The following SPIDR variants were observed in gnomAD, a reference collection of about 807,000 sequenced individuals.
SPIDR encodes the protein DNA repair-scaffolding protein.
Under a neutral mutation model 104.6 loss-of-function variants are expected in SPIDR, and 93 were observed. That is an observed-to-expected ratio of 0.89 (90% CI 0.75 to 1.06). The LOEUF (loss-of-function observed/expected upper bound fraction) is 1.06. SPIDR is among the 50% of genes least tolerant of loss of function. The pLI is 0.00. For synonymous variants in SPIDR, 431 were observed against 416.9 expected, an observed-to-expected ratio of 1.03 and a Z score of -0.41; for missense variants, 1,154 against 1,111.2, an observed-to-expected ratio of 1.04 and a Z score of -0.55.
intron 8 of SPIDR, among the ~76,000 whole-genome samples, chr8:47,545,101 TTCTTTCTTTCTTTCTTTC>T (rs1157648535): frequency 2.2e-5 from 3 of 139,420 alleles, no homozygotes; most frequent in African/African-American, 5.4e-5. Flanking sequence ...CTTTCTTTCT[TTCTTTCTTTCTTTCTTTC>T]TTTTTTTTTT....
At chr8:47,363,996 G>A (rs2056707857) in intron 5 of SPIDR, among the ~76,000 whole-genome samples, 1 of 152,142 alleles carries the variant, frequency 6.6e-6, no homozygotes, top group South Asian at 2.1e-4. Context: ...CTCATTTGAA[G>A]GTAGGATTCT....
chr8:47,608,746 A>G (rs1285204210), intron 10 of SPIDR, among the ~76,000 whole-genome samples: 2 of 151,984 alleles, frequency 1.3e-5, no homozygotes, highest in Non-Finnish European at 2.9e-5. Context: ...ATTTTTTGAG[A>G]TGGAGTCTCG....
At chr8:47,712,529 G>A in intron 14 of SPIDR, 133 bp from the exon 15 acceptor site, 1 of 1,069,598 alleles carries the variant, frequency 9.3e-7, no homozygotes, top group Non-Finnish European at 1.3e-6. Flanking sequence ...GATGTGCAAA[G>A]TCTAGTGTAT....
intron 10 of SPIDR, among the ~76,000 whole-genome samples, chr8:47,610,778 C>T (rs116107624): frequency 6.6e-6 from 1 of 152,368 alleles, no homozygotes; most frequent in African/African-American, 2.4e-5. Flanking sequence ...TTCTTCCTCA[C>T]TTGCTGCTCT....
At chr8:47,392,043 G>T (rs1335025226) in intron 5 of SPIDR, among the ~76,000 whole-genome samples, 1 of 148,740 alleles carries the variant, frequency 6.7e-6, no homozygotes, top group African/African-American at 2.5e-5. Flanking sequence ...CAAGAAAAAA[G>T]TTTTAACAGA....
At chr8:47,540,230 C>T (rs550649757) in intron 8 of SPIDR, among the ~76,000 whole-genome samples, 2 of 152,178 alleles carry the variant, frequency 1.3e-5, no homozygotes, top group African/African-American at 2.4e-5. Context: ...AAATTGTTCT[C>T]GCGGTTTCTC....
intron 5 of SPIDR, among the ~76,000 whole-genome samples, chr8:47,347,340 AT>A (rs1554618989): frequency 6.6e-6 from 1 of 152,218 alleles, no homozygotes; most frequent in South Asian, 2.1e-4. Flanking sequence ...GTTCTTTTAC[AT>A]TTGCTGCGGA....
chr8:47,595,313 T>C (rs1243437622), intron 8 of SPIDR, among the ~76,000 whole-genome samples: 2 of 152,252 alleles, frequency 1.3e-5, no homozygotes, highest in African/African-American at 2.4e-5. Flanking sequence ...TTTTGTCTGC[T>C]CTATTTCCTG....
At chr8:47,475,970 T>G (rs1554723578) in intron 8 of SPIDR, among the ~76,000 whole-genome samples, 1 of 152,254 alleles carries the variant, frequency 6.6e-6, no homozygotes, top group African/African-American at 2.4e-5. Flanking sequence ...ATAGATCATT[T>G]AAGAGGAAAT....
intron 16 of SPIDR, among the ~76,000 whole-genome samples, chr8:47,726,597 G>C (rs149457436): frequency 6.6e-6 from 1 of 152,178 alleles, no homozygotes; most frequent in Non-Finnish European, 1.5e-5. Flanking sequence ...CTGAGGCCCC[G>C]TGTGGCCCGC....
At chr8:47,454,521 A>G (rs781901653) in intron 8 of SPIDR, among the ~76,000 whole-genome samples, 17 of 152,070 alleles carry the variant, frequency 1.1e-4, no homozygotes, top group Non-Finnish European at 2.2e-4. Context: ...GGATTAGGAG[A>G]TATACCTAAT....
chr8:47,280,379 C>T (rs908943837), intron 2 of SPIDR, among the ~76,000 whole-genome samples: 17 of 147,426 alleles, frequency 1.2e-4, no homozygotes, highest in African/African-American at 3.6e-4. Context: ...AGGTATGTGC[C>T]GCCGTGCCTG....
intron 8 of SPIDR, among the ~76,000 whole-genome samples, chr8:47,590,407 A>G (rs969510736): frequency 6.6e-6 from 1 of 152,064 alleles, no homozygotes; most frequent in Non-Finnish European, 1.5e-5. Flanking sequence ...TTACATTTTC[A>G]TTGAGACTTC....
At chr8:47,602,278 A>G (rs997038639) in intron 10 of SPIDR, among the ~76,000 whole-genome samples, 3 of 152,226 alleles carry the variant, frequency 2.0e-5, no homozygotes, top group Non-Finnish European at 4.4e-5. Flanking sequence ...TCAGCACAAC[A>G]CACACAGAAG....
At chr8:47,668,166 A>C (rs1028793440) in intron 10 of SPIDR, among the ~76,000 whole-genome samples, 1 of 152,186 alleles carries the variant, frequency 6.6e-6, no homozygotes, top group East Asian at 1.9e-4. Context: ...TAGAATTTTT[A>C]TCTAAAATTT....
chr8:47,554,474 C>A (rs2091047275), intron 8 of SPIDR, among the ~76,000 whole-genome samples: 2 of 152,224 alleles, frequency 1.3e-5, no homozygotes, highest in African/African-American at 4.8e-5. Context: ...CCCAGCCTCG[C>A]TGTCGCCTTG....
chr8:47,431,616 C>G (rs978111213), intron 7 of SPIDR, among the ~76,000 whole-genome samples: 12 of 152,138 alleles, frequency 7.9e-5, no homozygotes, highest in African/African-American at 2.9e-4. Flanking sequence ...GCTCTCGTCA[C>G]TGGGGATTGT....
chr8:47,373,730 AACT>A (rs2154296511), intron 5 of SPIDR, among the ~76,000 whole-genome samples: 1 of 152,316 alleles, frequency 6.6e-6, no homozygotes, highest in Admixed American at 6.5e-5. Flanking sequence ...ACTTCTGTAG[AACT>A]CACATTAATA....
At chr8:47,523,373 T>C (rs1016096981) in intron 8 of SPIDR, among the ~76,000 whole-genome samples, 4 of 152,158 alleles carry the variant, frequency 2.6e-5, no homozygotes, top group Non-Finnish European at 5.9e-5. Context: ...TGTAGCCAAG[T>C]ATGGACTAAT....
Sources: gnomAD v4.1 joint callset for allele counts (sites outside exome capture counted in the v4.1 genomes callset) on GRCh38, gnomAD v4.1.1 for gene constraint, MANE v1.5 for transcripts, NCBI Gene and HGNC (gene_info 2026-07-23, HGNC 2026-07-21) for gene names.